Variants in INPP4A observed in about 807,000 individuals in gnomAD.
INPP4A encodes inositol polyphosphate-4-phosphatase type I A, also known as inositol polyphosphate-4-phosphatase, type I, 107kD.
Under a neutral mutation model 119.8 loss-of-function variants are expected in INPP4A, and 33 were observed. The ratio of observed to expected loss-of-function variants is 0.28; its 90% CI spans 0.21 to 0.37. INPP4A has a LOEUF of 0.37. INPP4A is among the 10% of genes least tolerant of loss of function. INPP4A has a pLI of 1.00. For missense variants in INPP4A, 956 were observed against 1,289.9 expected (o/e 0.74, Z 3.97); for synonymous variants, 496 against 500.7 (o/e 0.99, Z 0.12).
At chr2:98,466,194 C>T (rs1445528098) in intron 1 of INPP4A, among the ~76,000 whole-genome samples, 2 of 152,170 alleles carry the variant, frequency 1.3e-5, no homozygotes, top group Non-Finnish European at 2.9e-5. Flanking sequence ...TACAGGCGTA[C>T]GCCACCATGC....
At chr2:98,535,918 T>G (rs986781067) in intron 6 of INPP4A, 73 bp downstream of exon 6, 2 of 798,780 alleles carry the variant, frequency 2.5e-6, no homozygotes, top group Non-Finnish European at 4.3e-6. Flanking sequence ...GAATGAGAGA[T>G]GAACACAGAT....
intron 23 of INPP4A, among the ~76,000 whole-genome samples, chr2:98,573,940 C>T (rs1326944731): frequency 6.6e-6 from 1 of 152,220 alleles, no homozygotes; most frequent in Non-Finnish European, 1.5e-5. Flanking sequence ...TTGAGTTCCT[C>T]AGCTGGTCAG....
chr2:98,568,022 G>A (rs1359130281), intron 21 of INPP4A, among the ~76,000 whole-genome samples: 1 of 152,218 alleles, frequency 6.6e-6, no homozygotes, highest in African/African-American at 2.4e-5. Flanking sequence ...GGCATTTTAT[G>A]GCTTTGTTTC....
At chr2:98,545,192 C>CAT (rs1692255646) in intron 11 of INPP4A, among the ~76,000 whole-genome samples, 2 of 152,294 alleles carry the variant, frequency 1.3e-5, no homozygotes, top group Non-Finnish European at 1.5e-5. Flanking sequence ...GTCTGTGATT[C>CAT]ATATGCTGGC....
chr2:98,471,372 G>A (rs904535465), intron 1 of INPP4A, among the ~76,000 whole-genome samples: 1 of 152,160 alleles, frequency 6.6e-6, no homozygotes, highest in African/African-American at 2.4e-5. Context: ...TGGCAATCTC[G>A]CAAAGCTATC....
chr2:98,500,251 A>G lies in INPP4A; in HGVS notation c.-165-18713A>G, dbSNP rs1408652783. 2.0e-5 allele frequency among the ~76,000 whole-genome samples: 3 copies of G among 152,038 alleles called. No homozygotes were observed. The South Asian group carries it at 6.2e-4, about 32-fold the overall frequency. On this transcript the variant is annotated intron_variant, in intron 1 of 24. Coordinates refer to ENST00000409851, the MANE Select transcript of INPP4A (RefSeq NM_001134225.2). Reference sequence around the variant, plus strand: ...GGGAATATTATCCCCACTTTATGACATGGGGTGTGAGCTGAGAGCCAGAGG... The same window carrying G: ...GGGAATATTATCCCCACTTTATGACGTGGGGTGTGAGCTGAGAGCCAGAGG...
intron 17 of INPP4A, among the ~76,000 whole-genome samples, chr2:98,562,884 G>GT (rs1695745624): frequency 6.6e-6 from 1 of 152,254 alleles, no homozygotes; most frequent in African/African-American, 2.4e-5. Flanking sequence ...TGAGTGCAAG[G>GT]TGGGGCCGTT....
intron 1 of INPP4A, among the ~76,000 whole-genome samples, chr2:98,502,011 T>G (rs1192760434): frequency 6.6e-6 from 1 of 152,254 alleles, no homozygotes; most frequent in African/African-American, 2.4e-5. Context: ...CGTACATCAG[T>G]GCCCACCTGC....
At chr2:98,491,439 G>T (rs563816224) in intron 1 of INPP4A, among the ~76,000 whole-genome samples, 1 of 152,328 alleles carries the variant, frequency 6.6e-6, no homozygotes, top group South Asian at 2.1e-4. Flanking sequence ...CTCTCGTCTG[G>T]ATGATGTGGT....
At chr2:98,535,246 A>G (rs1690014280) in intron 5 of INPP4A, among the ~76,000 whole-genome samples, 1 of 152,264 alleles carries the variant, frequency 6.6e-6, no homozygotes, top group Non-Finnish European at 1.5e-5. Flanking sequence ...GGCTTTAATT[A>G]TTCCAAACAC....
Position 98,559,461 on chromosome 2 carries a change from A to G in INPP4A, c.1823-2A>G. On this transcript the variant is annotated splice_acceptor_variant, in intron 16 of 24. Coordinates refer to ENST00000409851, the MANE Select transcript of INPP4A (RefSeq NM_001134225.2). LOFTEE classifies it high-confidence loss of function. The stretch of plus-strand genomic sequence containing the variant: ...TCCATGTCGCCCTCCATTTCTGTGC[A>G]GATTGCAGTCCCCCTCCTGAAGAGT... 1 of 1,613,984 alleles carries G rather than the reference A, an allele frequency of 6.2e-7. No homozygotes were observed. The highest frequency in any genetic ancestry group is 8.5e-7 in the Non-Finnish European group (1 of 1,179,894).
Position 98,555,668 on chromosome 2 carries a change from C to A in INPP4A, c.1682C>A (p.Ala561Glu), listed in dbSNP as rs573310865. ...GGCTGTGAGGATGTCTTCCCCTGTG[C>A]AGGCAGCTGCACCAGCAAGAAAGGT... The part of the protein sequence containing the change: ...GEGCEDVFPC[A>E]GSCTSKKGNP... The change falls in exon 16 of 25, where the codon GCA (alanine) becomes GAA (glutamate). Residue 561 changes from alanine (A) to glutamate (E), a missense_variant. By Grantham distance (107) the Ala-to-Glu change is moderately radical (BLOSUM62 -1). Coordinates refer to ENST00000409851, the MANE Select transcript of INPP4A (RefSeq NM_001134225.2). The A allele has an allele frequency of 1.2e-6, 2 of 1,613,874 alleles. No homozygotes were observed. The highest frequency in any genetic ancestry group is 2.7e-5 in the African/African-American group (2 of 74,926).
At chr2:98,491,325 C>T (rs1364846210) in intron 1 of INPP4A, among the ~76,000 whole-genome samples, 1 of 152,236 alleles carries the variant, frequency 6.6e-6, no homozygotes, top group African/African-American at 2.4e-5. Flanking sequence ...GGACGCAGCG[C>T]CACGTAGGGC....
chr2:98,445,313 C>T (rs1328568426), intron 1 of INPP4A, among the ~76,000 whole-genome samples: 1 of 152,202 alleles, frequency 6.6e-6, no homozygotes, highest in Admixed American at 6.5e-5. Flanking sequence ...GAAGACGCGG[C>T]CGCCCCAGCA....
At position 98,546,794 on chromosome 2, in the gene INPP4A, C is replaced by A; in HGVS notation, c.1163+100C>A. ...AAATATGACCGCAAAAACACCCAGCCATCTGATCTGCTTTTGCGTGGCAGG... is the reference window on the plus strand; with the variant it reads ...AAATATGACCGCAAAAACACCCAGCAATCTGATCTGCTTTTGCGTGGCAGG... On this transcript the variant is annotated intron_variant, in intron 13 of 24. Coordinates refer to ENST00000409851, the MANE Select transcript of INPP4A (RefSeq NM_001134225.2). The surrounding 1 kb of genome is among the most constrained non-coding windows in gnomAD (Gnocchi z 4.2). The A allele has an allele frequency of 1.3e-6, 1 of 770,408 alleles. No individual in the cohort carries two copies. The highest frequency in any genetic ancestry group is 2.2e-6 in the Non-Finnish European group (1 of 446,456). 47.7% of individuals were successfully genotyped at this position (770,408 alleles called of 1,614,324 possible). A position where few individuals can be genotyped will look rare whatever the true frequency, so the allele number is the denominator to read the frequency against.
chr2:98,583,275 T>A (rs1699586710), intron 24 of INPP4A, among the ~76,000 whole-genome samples: 1 of 152,130 alleles, frequency 6.6e-6, no homozygotes, highest in Admixed American at 6.5e-5. Flanking sequence ...ATCTTTTCTC[T>A]CTTACTAATC....
rs535786537 is a variant in INPP4A at position 98,542,104 on chromosome 2, G to A, written c.819-1773G>A. Reference sequence around the variant, plus strand: ...ACTGTGAGAAGAAAGAGGGTGATCGGGGCAGGCCTCTGTGAGATGATGACA... The same window carrying A: ...ACTGTGAGAAGAAAGAGGGTGATCGAGGCAGGCCTCTGTGAGATGATGACA... On this transcript the variant is annotated intron_variant, in intron 10 of 24. Transcript: ENST00000409851. Among the ~76,000 whole-genome samples, 340 of 152,314 alleles carry A rather than the reference G, an allele frequency of 2.2e-3. 3 individuals are homozygous for A. The highest frequency in any genetic ancestry group is 3.4e-3 in the Middle Eastern group (1 of 294).
Position 98,481,420 on chromosome 2 carries a change from C to T in INPP4A, c.-166+36335C>T, listed in dbSNP as rs76518812. On this transcript the variant is annotated intron_variant, in intron 1 of 24. Coordinates refer to ENST00000409851, the MANE Select transcript of INPP4A (RefSeq NM_001134225.2). ...GACCACTCTTGGCAGCCAGAACCCT[C>T]GCTCCTCCAGTTTTATTCTGGTTGC... Among the ~76,000 whole-genome samples, 101 of 152,312 alleles carry T rather than the reference C, an allele frequency of 6.6e-4. 2 individuals carry two copies. The East Asian group carries it at 0.01, about 15-fold the overall frequency.
At chr2:98,479,201 T>C (rs1048419394) in intron 1 of INPP4A, among the ~76,000 whole-genome samples, 3 of 152,188 alleles carry the variant, frequency 2.0e-5, no homozygotes, top group East Asian at 1.9e-4. Flanking sequence ...CTACTTATTT[T>C]GGTGCTAATT....
Sources: gnomAD v4.1 joint callset for allele counts (sites outside exome capture counted in the v4.1 genomes callset) on GRCh38, gnomAD v4.1.1 for gene constraint, Gnocchi (gnomAD v3.1) non-coding constraint, MANE v1.5 for transcripts, NCBI Gene and HGNC (gene_info 2026-07-23, HGNC 2026-07-21) for gene names.